POLR3B: variants seen among roughly 807,000 people sequenced by gnomAD.
POLR3B encodes the protein DNA-directed RNA polymerase III subunit RPC2.
POLR3B carries 96 observed loss-of-function variants against 147.4 expected under a neutral mutation model. The observed-to-expected ratio is 0.65, with a 90% CI of 0.55 to 0.77. POLR3B has a LOEUF of 0.77. POLR3B is among the 30% of genes least tolerant of loss of function. The pLI is 0.00. For synonymous variants in POLR3B, 461 were observed against 485.9 expected, an observed-to-expected ratio of 0.95 and a Z score of 0.67; for missense variants, 1,036 against 1,413.5, an observed-to-expected ratio of 0.73 and a Z score of 4.28.
intron 27 of POLR3B, among the ~76,000 whole-genome samples, chr12:106,508,450 C>T (rs917860716): frequency 5.3e-5 from 8 of 152,178 alleles, no homozygotes; most frequent in African/African-American, 1.7e-4. Context: ...TTTTCCTCCT[C>T]GTTAACTGTG....
At chr12:106,361,106 T>A (rs2036464043) in intron 1 of POLR3B, among the ~76,000 whole-genome samples, 1 of 152,044 alleles carries the variant, frequency 6.6e-6, no homozygotes, top group South Asian at 2.1e-4. Flanking sequence ...ACTGAAGAGT[T>A]GTAGAGAATG....
chr12:106,464,708 T>G (rs1357011778), intron 23 of POLR3B, among the ~76,000 whole-genome samples: 1 of 152,228 alleles, frequency 6.6e-6, no homozygotes, highest in African/African-American at 2.4e-5. Flanking sequence ...GACTCTCACA[T>G]TTGCTTATAA....
intron 23 of POLR3B, 94 bp from the exon 24 acceptor site, chr12:106,495,961 A>G (rs546646987): frequency 2.5e-6 from 2 of 809,138 alleles, no homozygotes; most frequent in South Asian, 1.3e-5. Context: ...AGAGCAGTGG[A>G]AATAGAGATA....
chr12:106,374,671 C>T (rs978181922), intron 6 of POLR3B, among the ~76,000 whole-genome samples: 4 of 152,082 alleles, frequency 2.6e-5, no homozygotes, highest in Non-Finnish European at 4.4e-5. Flanking sequence ...CACGCCACCA[C>T]GCCCAGCCAA....
At chr12:106,411,061 C>T in intron 12 of POLR3B, 101 bp downstream of exon 12, 1 of 1,200,890 alleles carries the variant, frequency 8.3e-7, no homozygotes, top group East Asian at 2.4e-5. Flanking sequence ...ATATAGTTTG[C>T]AGGTTTGAAG....
chr12:106,446,417 CAAAAAAAA>C (rs10654233), intron 19 of POLR3B: 5 of 158,500 alleles, frequency 3.2e-5, no homozygotes, highest in Middle Eastern at 2.8e-3. Context: ...CCTCTCCCCA[CAAAAAAAA>C]AAAAAAAAAA....
At chr12:106,496,530 TA>T in intron 24 of POLR3B, 1 of 606,364 alleles carries the variant, frequency 1.6e-6, no homozygotes. Flanking sequence ...ATCCTTCCCA[TA>T]CTTCAGTTTC....
At chr12:106,374,991 A>G (rs921692354) in intron 6 of POLR3B, among the ~76,000 whole-genome samples, 3 of 152,018 alleles carry the variant, frequency 2.0e-5, no homozygotes, top group African/African-American at 7.2e-5. Flanking sequence ...TTTTTTTTAG[A>G]AATTTATTTA....
At chr12:106,406,888 T>C (rs539476268) in intron 11 of POLR3B, among the ~76,000 whole-genome samples, 17 of 152,318 alleles carry the variant, frequency 1.1e-4, no homozygotes, top group African/African-American at 4.1e-4. Context: ...TGAGTTATCA[T>C]GTGTTCCATC....
intron 23 of POLR3B, among the ~76,000 whole-genome samples, chr12:106,470,107 C>T (rs2038069387): frequency 6.6e-6 from 1 of 152,180 alleles, no homozygotes; most frequent in African/African-American, 2.4e-5. Flanking sequence ...TAGATTTGGT[C>T]TTTTCACGTA....
intron 19 of POLR3B, among the ~76,000 whole-genome samples, chr12:106,451,172 C>A (rs539272879): frequency 1.3e-5 from 2 of 152,096 alleles, no homozygotes; most frequent in African/African-American, 4.8e-5. Flanking sequence ...AGGGAGGGAT[C>A]TTTTGGGGGT....
chr12:106,371,444 T>C (rs1416169001), intron 6 of POLR3B, among the ~76,000 whole-genome samples: 2 of 152,052 alleles, frequency 1.3e-5, no homozygotes, highest in Non-Finnish European at 2.9e-5. Flanking sequence ...ACTGGGTATA[T>C]ACCCAAAGGA....
intron 11 of POLR3B, chr12:106,410,524 C>G: frequency 1.1e-5 from 4 of 377,184 alleles, no homozygotes; most frequent in Non-Finnish European, 2.0e-5. Flanking sequence ...AATCATAGGC[C>G]AATCCCAAGG....
chr12:106,386,977 A>G (rs767873200), intron 9 of POLR3B, among the ~76,000 whole-genome samples: 1 of 152,212 alleles, frequency 6.6e-6, no homozygotes, highest in Non-Finnish European at 1.5e-5. Context: ...ATACACGCAT[A>G]TGCTTACATA....
intron 19 of POLR3B, chr12:106,446,147 T>C (rs1296667819): frequency 6.8e-6 from 3 of 441,916 alleles, no homozygotes; most frequent in African/African-American, 6.0e-5. Context: ...CTGAACCCTG[T>C]GTGTCATGAA....
intron 10 of POLR3B, among the ~76,000 whole-genome samples, chr12:106,404,121 C>T (rs2037115962): frequency 6.7e-6 from 1 of 148,480 alleles, no homozygotes. Context: ...GACAGAGCCT[C>T]ACTCTGTCAC....
chr12:106,507,953 C>T, intron 27 of POLR3B: 1 of 354,010 alleles, frequency 2.8e-6, no homozygotes, highest in Non-Finnish European at 5.5e-6. Flanking sequence ...TTTGGTGACT[C>T]TTTCAAGATT....
chr12:106,424,701 T>G (rs2037414186), intron 12 of POLR3B, among the ~76,000 whole-genome samples: 1 of 152,202 alleles, frequency 6.6e-6, no homozygotes, highest in South Asian at 2.1e-4. Flanking sequence ...GTTTTTTCTC[T>G]GAGTATTATT....
At chr12:106,470,812 C>G (rs191670945) in intron 23 of POLR3B, among the ~76,000 whole-genome samples, 2,590 of 152,120 alleles carry the variant, frequency 0.017, 43 homozygotes, top group South Asian at 0.069. Flanking sequence ...ATATTGCTGC[C>G]CGATCCTTCC....
Sources: allele counts gnomAD v4.1 joint callset (sites outside exome capture counted in the v4.1 genomes callset), GRCh38; gene constraint gnomAD v4.1.1; transcripts MANE v1.5; gene names NCBI Gene and HGNC (gene_info 2026-07-23, HGNC 2026-07-21).